ACSL3: variants seen among roughly 807,000 people sequenced by gnomAD.
ACSL3 encodes the protein acyl-CoA synthetase long chain family member 3, also known as fatty acid CoA ligase Acsl3.
In ACSL3, 34 loss-of-function variants were observed where a neutral mutation model predicts 84.7. That is an observed-to-expected ratio of 0.40 (90% CI 0.31 to 0.53). The LOEUF (loss-of-function observed/expected upper bound fraction) is 0.53, where lower values mean the gene tolerates loss of function less well. ACSL3 is among the 20% of genes least tolerant of loss of function. The pLI is 0.48. For synonymous variants in ACSL3, 315 were observed against 299.4 expected, an observed-to-expected ratio of 1.05 and a Z score of -0.54; for missense variants, 680 against 873.1, an observed-to-expected ratio of 0.78 and a Z score of 2.79.
intron 11 of ACSL3, among the ~76,000 whole-genome samples, chr2:222,925,695 A>C (rs906839949): frequency 3.3e-5 from 5 of 152,208 alleles, no homozygotes; most frequent in African/African-American, 1.2e-4. Context: ...AGATTTTGCT[A>C]TTTGTGAGTT....
rs1277143187 is a variant in ACSL3, at chr2:222,942,374, A to G, written c.*720A>G. ...AGGGAGATAACACAGCATGTGTAGC[A>G]CCAGTTGATAATTGGTCTCTAGTAG... On this transcript the variant is annotated 3_prime_UTR_variant, in exon 17 of 17. Coordinates refer to ENST00000357430, the MANE Select transcript of ACSL3 (RefSeq NM_004457.5). 5.2e-6 allele frequency: 1 copy of G among 191,480 alleles called. No individual in the cohort carries two copies. Among genetic ancestry groups the G allele is most frequent in the African/African-American group, 2.3e-5 (1 of 43,080 alleles). 11.9% of individuals were successfully genotyped at this position (191,480 alleles called of 1,614,324 possible). A position where few individuals can be genotyped will look rare whatever the true frequency, so the allele number is the denominator to read the frequency against.
chr2:222,928,239 G>C (rs1468881379), intron 12 of ACSL3, among the ~76,000 whole-genome samples: 1 of 152,174 alleles, frequency 6.6e-6, no homozygotes, highest in Non-Finnish European at 1.5e-5. Flanking sequence ...TTGAGCTATT[G>C]CTGTATTAAT....
At chr2:222,926,952 T>A (rs1696896443) in intron 11 of ACSL3, 65 bp from the exon 12 acceptor site, 1 of 1,545,516 alleles carries the variant, frequency 6.5e-7, no homozygotes. Flanking sequence ...GGGGGATTAG[T>A]TTAAGTGATT....
At position 222,943,785 on chromosome 2, in the gene ACSL3, GA is replaced by G. The variant is rs1697388823; in HGVS notation, c.*2137del. On this transcript the variant is annotated 3_prime_UTR_variant, in exon 17 of 17. Transcript: ENST00000357430. ...TCCTCTAAAATTACCCTTTCAAGAG[GA>G]AAAAACTGTTCAATGAAAAAACCAC... is the stretch of plus-strand genomic sequence containing the variant. 6.6e-6 allele frequency: 1 copy of G among 151,878 alleles called. No individual in the cohort carries two copies. Among genetic ancestry groups the G allele is most frequent in the African/African-American group, 2.4e-5 (1 of 41,370 alleles). 9.4% of individuals were successfully genotyped at this position (151,878 alleles called of 1,614,324 possible).
rs761623717 is a variant in ACSL3 at position 222,861,154 on chromosome 2, A to G, written c.-311A>G. 82 of 152,430 alleles carry G rather than the reference A, an allele frequency of 5.4e-4. No homozygotes were observed. The highest frequency in any genetic ancestry group is 9.4e-4 in the Non-Finnish European group (64 of 68,150). 9.4% of individuals were successfully genotyped at this position (152,430 alleles called of 1,614,324 possible). On this transcript the variant is annotated 5_prime_UTR_variant, in exon 1 of 17. Transcript: ENST00000357430. The stretch of plus-strand genomic sequence containing the variant: ...CGTCCCCTCGCATTGCGGCCCCGAC[A>G]GCTGCGCCAGGATCCCCGGGCGGCG...
rs1226734648 is a variant in ACSL3, at chr2:222,923,988, C to G, written c.1153-468C>G. On this transcript the variant is annotated intron_variant, in intron 10 of 16. Coordinates refer to ENST00000357430, the MANE Select transcript of ACSL3 (RefSeq NM_004457.5). The stretch of plus-strand genomic sequence containing the variant: ...GGTGCAATATCGAAAGTCAAATAGC[C>G]AAACAAAAACTCCCAAACGTTGCAT... Among the ~76,000 whole-genome samples the G allele has an allele frequency of 2.0e-5, 3 of 152,120 alleles. No homozygotes were observed. The East Asian group carries it at 5.8e-4, about 29-fold the overall frequency.
rs1184218673 is a variant in ACSL3 at position 222,908,728 on chromosome 2, C to T, written c.-40-5C>T. The T allele has an allele frequency of 1.3e-6, 2 of 1,522,500 alleles. No homozygotes were observed. Among genetic ancestry groups the T allele is most frequent in the Non-Finnish European group, 1.8e-6 (2 of 1,137,380 alleles). 94.3% of individuals were successfully genotyped at this position (1,522,500 alleles called of 1,614,324 possible). The stretch of plus-strand genomic sequence containing the variant: ...AACTAACGCCTTTCTTTTTCTTCCT[C>T]CTAGATTCTCGCTGAAGTCTGTTAA... On this transcript the variant is annotated splice_region_variant and splice_polypyrimidine_tract_variant and intron_variant, in intron 3 of 16. Transcript: ENST00000357430.
At chr2:222,915,652 G>A (rs1049587017) in intron 4 of ACSL3, among the ~76,000 whole-genome samples, 2 of 152,156 alleles carry the variant, frequency 1.3e-5, no homozygotes, top group African/African-American at 4.8e-5. Flanking sequence ...CAGCACTTAC[G>A]ATAAACAGAT....
intron 5 of ACSL3, 172 bp downstream of exon 5, chr2:222,916,668 A>G (rs1361043770): frequency 9.1e-6 from 6 of 662,274 alleles, no homozygotes; most frequent in South Asian, 3.0e-5. Context: ...AATCAATTAT[A>G]TGACAAATTG....
intron 1 of ACSL3, among the ~76,000 whole-genome samples, chr2:222,875,077 G>A (rs924547039): frequency 1.8e-4 from 28 of 151,906 alleles, no homozygotes; most frequent in African/African-American, 5.1e-4. Context: ...TTTTTTTTGC[G>A]TTGTGTATAA....
intron 1 of ACSL3, among the ~76,000 whole-genome samples, chr2:222,879,739 C>T (rs189653111): frequency 5.3e-5 from 8 of 152,278 alleles, no homozygotes; most frequent in Admixed American, 3.3e-4. Flanking sequence ...ACACATTTGC[C>T]GTAGTCTGCG....
chr2:222,924,612 T>C lies in ACSL3; in HGVS notation c.1292+17T>C. The C allele has an allele frequency of 6.4e-7, 1 of 1,571,262 alleles. No homozygotes were observed. The highest frequency in any genetic ancestry group is 8.6e-7 in the Non-Finnish European group (1 of 1,162,148). ...GTGCGACAGGTAAGTAAAGACTCTCTACCTCCTTCTTTCTCCTCTTGATAA... is the reference window on the plus strand; with the variant it reads ...GTGCGACAGGTAAGTAAAGACTCTCCACCTCCTTCTTTCTCCTCTTGATAA... On this transcript the variant is annotated intron_variant, in intron 11 of 16. Transcript: ENST00000357430.
At chr2:222,920,512 T>C (rs1696703621) in intron 7 of ACSL3, among the ~76,000 whole-genome samples, 1 of 152,228 alleles carries the variant, frequency 6.6e-6, no homozygotes, top group Admixed American at 6.5e-5. Flanking sequence ...TAGTCACCAT[T>C]CTGAAGCAGT....
chr2:222,869,759 T>C (rs1007808030), intron 1 of ACSL3, among the ~76,000 whole-genome samples: 4 of 151,946 alleles, frequency 2.6e-5, no homozygotes, highest in African/African-American at 7.3e-5. Context: ...GTTTGGAAGA[T>C]TGGCAAATAA....
intron 4 of ACSL3, among the ~76,000 whole-genome samples, chr2:222,912,380 T>G (rs980715293): frequency 6.6e-6 from 1 of 152,214 alleles, no homozygotes; most frequent in African/African-American, 2.4e-5. Flanking sequence ...CTGCCTAGGG[T>G]GTTGAAAAGG....
At chr2:222,922,610 G>T in intron 8 of ACSL3, 98 bp from the exon 9 acceptor site, 1 of 1,468,234 alleles carries the variant, frequency 6.8e-7, no homozygotes, top group Non-Finnish European at 9.3e-7. Flanking sequence ...TGATGCCCTG[G>T]GGCCCTTCCA....
chr2:222,899,077 C>T (rs1158693181), intron 2 of ACSL3, among the ~76,000 whole-genome samples: 2 of 151,606 alleles, frequency 1.3e-5, no homozygotes, highest in African/African-American at 2.4e-5. Flanking sequence ...TAGCTTTCAC[C>T]GTCATACGAT....
intron 1 of ACSL3, among the ~76,000 whole-genome samples, chr2:222,886,607 A>C (rs1695729522): frequency 6.6e-6 from 1 of 152,232 alleles, no homozygotes; most frequent in African/African-American, 2.4e-5. Flanking sequence ...AAATCATTGA[A>C]AAAATTTGAA....
At chr2:222,930,149 C>G (rs1696987192) in intron 13 of ACSL3, among the ~76,000 whole-genome samples, 1 of 151,964 alleles carries the variant, frequency 6.6e-6, no homozygotes, top group South Asian at 2.1e-4. Context: ...AGGCTGACCT[C>G]AAACTCCTGA....
Sources: gnomAD v4.1 joint callset for allele counts (sites outside exome capture counted in the v4.1 genomes callset) on GRCh38, gnomAD v4.1.1 for gene constraint, MANE v1.5 for transcripts, NCBI Gene and HGNC (gene_info 2026-07-23, HGNC 2026-07-21) for gene names.